Variants in CLSTN2 observed in about 807,000 individuals in gnomAD.
CLSTN2 encodes the protein calsyntenin 2.
Under a neutral mutation model 101.2 loss-of-function variants are expected in CLSTN2, and 48 were observed. The ratio of observed to expected loss-of-function variants is 0.47; its 90% CI spans 0.38 to 0.60. The LOEUF (loss-of-function observed/expected upper bound fraction) is 0.60, where lower values mean the gene tolerates loss of function less well. CLSTN2 is among the 20% of genes least tolerant of loss of function. The pLI is 0.00. For synonymous variants in CLSTN2, 481 were observed against 463.6 expected (o/e 1.04, Z -0.48); for missense variants, 1,160 against 1,238.2 (o/e 0.94, Z 0.95).
chr3:139,946,041 A>G (rs1488211437), intron 1 of CLSTN2, among the ~76,000 whole-genome samples: 2 of 152,202 alleles, frequency 1.3e-5, no homozygotes, highest in African/African-American at 4.8e-5. Flanking sequence ...CACTTTACAT[A>G]TATTAATTCA....
chr3:140,512,313 G>A (rs536176488), intron 8 of CLSTN2, among the ~76,000 whole-genome samples: 1 of 151,418 alleles, frequency 6.6e-6, no homozygotes, highest in East Asian at 1.9e-4. Flanking sequence ...GTTAATTTTT[G>A]CATCTATAGT....
At chr3:140,431,460 C>T (rs1001974065) in intron 5 of CLSTN2, among the ~76,000 whole-genome samples, 1 of 152,170 alleles carries the variant, frequency 6.6e-6, no homozygotes, top group African/African-American at 2.4e-5. Context: ...CCCATATACC[C>T]TTCCATTCAA....
rs545043853 is a variant in CLSTN2 at position 140,313,796 on chromosome 3, T to C, written c.233-89833T>C. Among the ~76,000 whole-genome samples the C allele has an allele frequency of 9.2e-4, 140 of 152,318 alleles. 1 individual carries two copies. Among genetic ancestry groups the C allele is most frequent in the African/African-American group, 3.1e-3 (130 of 41,578 alleles). ...GCGCAGTGCACTGATCTCCAAATCATAGCAAATGCACAGGCAAATTTTTCT... is the reference window on the plus strand; with the variant it reads ...GCGCAGTGCACTGATCTCCAAATCACAGCAAATGCACAGGCAAATTTTTCT... On this transcript the variant is annotated intron_variant, in intron 2 of 16. Transcript: ENST00000458420.
intron 2 of CLSTN2, among the ~76,000 whole-genome samples, chr3:140,187,142 C>T (rs2010496480): frequency 6.6e-6 from 1 of 152,182 alleles, no homozygotes; most frequent in African/African-American, 2.4e-5. Flanking sequence ...CTGCCCTCTG[C>T]CACTCCTTGG....
chr3:140,325,640 T>C (rs1463391191), intron 2 of CLSTN2, among the ~76,000 whole-genome samples: 1 of 152,242 alleles, frequency 6.6e-6, no homozygotes, highest in Non-Finnish European at 1.5e-5. Flanking sequence ...TTTATACTGG[T>C]CCAAGCAAGC....
intron 1 of CLSTN2, among the ~76,000 whole-genome samples, chr3:139,962,061 G>C (rs1935520341): frequency 6.6e-6 from 1 of 152,034 alleles, no homozygotes; most frequent in African/African-American, 2.4e-5. Context: ...AGATATATTA[G>C]TGGTTTCCAA....
intron 8 of CLSTN2, among the ~76,000 whole-genome samples, chr3:140,513,257 C>T (rs998874879): frequency 1.3e-5 from 2 of 152,066 alleles, no homozygotes; most frequent in Non-Finnish European, 2.9e-5. Context: ...TCATAGATGG[C>T]TCTTAGTATT....
At chr3:140,174,961 G>C (rs1339065621) in intron 1 of CLSTN2, among the ~76,000 whole-genome samples, 2 of 152,194 alleles carry the variant, frequency 1.3e-5, no homozygotes, top group Non-Finnish European at 2.9e-5. Context: ...TCTAGGAAAG[G>C]CTCCGTTCCA....
chr3:140,119,133 T>C (rs751148997), intron 1 of CLSTN2, among the ~76,000 whole-genome samples: 1 of 152,204 alleles, frequency 6.6e-6, no homozygotes, highest in Non-Finnish European at 1.5e-5. Context: ...TAGCTTGAGA[T>C]TGTAACAGGT....
At chr3:140,370,352 G>A (rs945824077) in intron 2 of CLSTN2, among the ~76,000 whole-genome samples, 1 of 152,216 alleles carries the variant, frequency 6.6e-6, no homozygotes, top group East Asian at 1.9e-4. Flanking sequence ...GTCCAGGATG[G>A]AAAGCTTGGG....
At chr3:140,224,162 G>A (rs1356843209) in intron 2 of CLSTN2, among the ~76,000 whole-genome samples, 1 of 152,092 alleles carries the variant, frequency 6.6e-6, no homozygotes, top group Non-Finnish European at 1.5e-5. Flanking sequence ...TACCAGCATT[G>A]GCTTTGCAGT....
chr3:139,947,013 TC>T (rs1362438619), intron 1 of CLSTN2, among the ~76,000 whole-genome samples: 1 of 152,198 alleles, frequency 6.6e-6, no homozygotes, highest in Non-Finnish European at 1.5e-5. Flanking sequence ...CTCTTTCTGC[TC>T]CTTAAAGTTC....
intron 1 of CLSTN2, among the ~76,000 whole-genome samples, chr3:140,020,575 CA>C (rs1464198404): frequency 7.9e-5 from 12 of 152,310 alleles, no homozygotes; most frequent in African/African-American, 2.9e-4. Flanking sequence ...AGGAGGCAGG[CA>C]GCAGTTCTGT....
intron 10 of CLSTN2, among the ~76,000 whole-genome samples, chr3:140,548,586 G>T (rs1438742767): frequency 6.6e-6 from 1 of 152,192 alleles, no homozygotes; most frequent in Non-Finnish European, 1.5e-5. Flanking sequence ...AGTGGAAAGG[G>T]GATGGGAAAG....
intron 1 of CLSTN2, among the ~76,000 whole-genome samples, chr3:140,142,370 G>C (rs1387840511): frequency 6.6e-6 from 1 of 152,186 alleles, no homozygotes; most frequent in African/African-American, 2.4e-5. Context: ...ATGAGGCTCA[G>C]AGGACTGTGG....
intron 2 of CLSTN2, among the ~76,000 whole-genome samples, chr3:140,393,935 C>T (rs1028678505): frequency 2.0e-5 from 3 of 152,158 alleles, no homozygotes; most frequent in Non-Finnish European, 4.4e-5. Context: ...TGCTCTCTTC[C>T]TCCTCTTTGC....
intron 2 of CLSTN2, among the ~76,000 whole-genome samples, chr3:140,336,261 C>T (rs1421362988): frequency 6.6e-6 from 1 of 152,116 alleles, no homozygotes; most frequent in Non-Finnish European, 1.5e-5. Context: ...CTTATAGTAG[C>T]CATATAGAAC....
chr3:140,430,265 C>T (rs563734730), intron 5 of CLSTN2, among the ~76,000 whole-genome samples: 48 of 152,200 alleles, frequency 3.2e-4, no homozygotes, highest in Middle Eastern at 3.4e-3. Flanking sequence ...AGATAATCCC[C>T]CCTGAGAAAT....
intron 1 of CLSTN2, among the ~76,000 whole-genome samples, chr3:140,092,245 A>G (rs2008791815): frequency 6.6e-6 from 1 of 152,204 alleles, no homozygotes; most frequent in South Asian, 2.1e-4. Flanking sequence ...TCCCACAGTC[A>G]TCACTTGGGA....
Sources: gnomAD v4.1 joint callset for allele counts (sites outside exome capture counted in the v4.1 genomes callset) on GRCh38, gnomAD v4.1.1 for gene constraint, MANE v1.5 for transcripts, NCBI Gene and HGNC (gene_info 2026-07-23, HGNC 2026-07-21) for gene names.